Variants in BPGM observed in about 807,000 individuals in gnomAD.
BPGM encodes the protein bisphosphoglycerate mutase, also known as 2,3-bisphosphoglycerate mutase, erythrocyte.
In BPGM, 15 loss-of-function variants were observed where a neutral mutation model predicts 21.6. The observed-to-expected ratio is 0.70, with a 90% CI of 0.47 to 1.07. BPGM has a LOEUF of 1.07. Ranked by LOEUF, BPGM falls within the 50% of genes least tolerant of loss-of-function variation. BPGM has a pLI of 0.00. For synonymous variants in BPGM, 113 were observed against 116.2 expected, an observed-to-expected ratio of 0.97 and a Z score of 0.18; for missense variants, 273 against 319.0, an observed-to-expected ratio of 0.86 and a Z score of 1.10.
chr7:134,667,492 G>C (rs7800098), intron 2 of BPGM, among the ~76,000 whole-genome samples: 84,667 of 151,950 alleles, frequency 0.56, 24,511 homozygotes, highest in East Asian at 0.77. Flanking sequence ...AGGATTGCTT[G>C]TGCCTAGGCT....
chr7:134,657,996 A>G (rs146927359), intron 1 of BPGM, among the ~76,000 whole-genome samples: 1,827 of 152,314 alleles, frequency 0.012, 19 homozygotes, highest in Non-Finnish European at 0.015. Flanking sequence ...ATAAGCTAGC[A>G]GCCACGATCT....
chr7:134,664,894 C>A lies in BPGM; in HGVS notation c.601+2786C>A, dbSNP rs369814081. ...TATGAAATACCCAGAATAGGCAAAT[C>A]TTTAGAAACAGAAGGTAGAGTGGTT... On this transcript the variant is annotated intron_variant, in intron 2 of 2. Transcript: ENST00000344924. Among the ~76,000 whole-genome samples, 218 of 152,256 alleles carry A rather than the reference C, an allele frequency of 1.4e-3. 6 individuals are homozygous for A. In the South Asian group the frequency reaches 0.043, roughly 30 times the overall value.
rs200244541 is a variant in BPGM, at chr7:134,678,885, C to T, written c.634C>T (p.Leu212Phe). The stretch of plus-strand genomic sequence containing the variant: ...AGATGAAGACATCATCAACATTACT[C>T]TTCCTACTGGAGTCCCCATTCTTCT... ...ISDEDIINIT[L>F]PTGVPILLEL... Residue 212 changes from leucine to phenylalanine, a missense_variant, in exon 3 of 3, where the codon CTT (leucine) becomes TTT (phenylalanine). Coordinates refer to ENST00000344924, the MANE Select transcript of BPGM (RefSeq NM_001724.5). 3 of 1,613,998 alleles carry T rather than the reference C, an allele frequency of 1.9e-6. No individual in the cohort carries two copies. The highest frequency in any genetic ancestry group is 3.3e-5 in the Admixed American group (2 of 60,010).
chr7:134,669,109 C>T (rs903483254), intron 2 of BPGM, among the ~76,000 whole-genome samples: 8 of 152,126 alleles, frequency 5.3e-5, no homozygotes, highest in Admixed American at 5.2e-4. Context: ...TAATTGGGAC[C>T]TTACCTTTTG....
At position 134,679,208 on chromosome 7, in the gene BPGM, C is replaced by A; in HGVS notation, c.*177C>A. On this transcript the variant is annotated 3_prime_UTR_variant, in exon 3 of 3. Coordinates refer to ENST00000344924, the MANE Select transcript of BPGM (RefSeq NM_001724.5). ...GATAAGGCTTTAGGATGCCTCAGTG[C>A]TTATGTCATAGCCTTATGAGTTAGC... is the stretch of plus-strand genomic sequence containing the variant. 1 of 682,448 alleles carries A rather than the reference C, an allele frequency of 1.5e-6. No homozygotes were observed. The highest frequency in any genetic ancestry group is 2.4e-6 in the Non-Finnish European group (1 of 409,768). The allele number at this position is 682,448 out of a possible 1,614,324, so 42.3% of individuals were successfully genotyped here.
Position 134,678,960 on chromosome 7 carries a change from G to T in BPGM, c.709G>T (p.Asp237Tyr). 2 of 1,614,110 alleles carry T rather than the reference G, an allele frequency of 1.2e-6. No homozygotes were observed. Among genetic ancestry groups the T allele is most frequent in the Non-Finnish European group, 1.7e-6 (2 of 1,180,002 alleles). Reference protein sequence around the residue: ...RAVGPHQFLGDQEAIQAAIKK... With the variant: ...RAVGPHQFLGYQEAIQAAIKK... ...TGTTGGGCCTCATCAGTTCCTGGGT[G>T]ACCAAGAGGCGATCCAAGCAGCCAT... The change falls in exon 3 of 3, where the codon GAC becomes TAC. Residue 237 changes from aspartate to tyrosine, a missense_variant. Physicochemically the swap from Asp to Tyr is radical, Grantham distance 160. Coordinates refer to ENST00000344924, the MANE Select transcript of BPGM (RefSeq NM_001724.5).
Position 134,679,037 on chromosome 7 carries a change from C to G in BPGM, c.*6C>G. 6.2e-7 allele frequency: 1 copy of G among 1,613,894 alleles called. No homozygotes were observed. The highest frequency in any genetic ancestry group is 2.2e-5 in the East Asian group (1 of 44,882). ...TGAAACAAGCTAAAAAATAGTCTTTCTCAACTGTTGGCTAAGAAGAAATGC... is the reference window on the plus strand; with the variant it reads ...TGAAACAAGCTAAAAAATAGTCTTTGTCAACTGTTGGCTAAGAAGAAATGC... On this transcript the variant is annotated 3_prime_UTR_variant, in exon 3 of 3. Coordinates refer to ENST00000344924, the MANE Select transcript of BPGM (RefSeq NM_001724.5).
Position 134,661,467 on chromosome 7 carries a change from A to G in BPGM, c.-41A>G, listed in dbSNP as rs965742731. ...TCTAGATGTATTGCTGTCCTTGAAT[A>G]TTAGCCCATTTGAAAACGCCTGGGA... On this transcript the variant is annotated 5_prime_UTR_variant, in exon 2 of 3. The change creates a new upstream start codon in the 5' untranslated region. Transcript: ENST00000344924. This position sits in a 1 kb window ranked among gnomAD's most constrained non-coding sequence, Gnocchi z 4.6. 6.2e-7 allele frequency: 1 copy of G among 1,613,488 alleles called. No homozygotes were observed. The highest frequency in any genetic ancestry group is 1.3e-5 in the African/African-American group (1 of 74,902).
At chr7:134,666,897 C>T (rs1795829048) in intron 2 of BPGM, among the ~76,000 whole-genome samples, 1 of 152,190 alleles carries the variant, frequency 6.6e-6, no homozygotes, top group Admixed American at 6.5e-5. Context: ...GATCAGAAGA[C>T]ATAGTATGTC....
Position 134,659,407 on chromosome 7 carries a change from G to A in BPGM, c.-61-2040G>A, listed in dbSNP as rs953995620. Among the ~76,000 whole-genome samples, 8 of 139,790 alleles carry A rather than the reference G, an allele frequency of 5.7e-5. No individual in the cohort carries two copies. In the South Asian group the frequency reaches 1.1e-3, roughly 20 times the overall value. 91.7% of individuals were successfully genotyped at this position (139,790 alleles called of 152,430 possible). A position where few individuals can be genotyped will look rare whatever the true frequency, so the allele number is the denominator to read the frequency against. The stretch of plus-strand genomic sequence containing the variant: ...TGTGTGTGTGTGTGTGTGTGTGTGT[G>A]TGTGTTCATCACCTGGTTTCTCACA... On this transcript the variant is annotated intron_variant, in intron 1 of 2. Transcript: ENST00000344924.
At chr7:134,662,428 G>T (rs1415141627) in intron 2 of BPGM, among the ~76,000 whole-genome samples, 1 of 152,178 alleles carries the variant, frequency 6.6e-6, no homozygotes, top group African/African-American at 2.4e-5. Context: ...GCATTTCTTA[G>T]AAGTTTTAGG....
At chr7:134,662,510 T>C (rs1795752504) in intron 2 of BPGM, among the ~76,000 whole-genome samples, 1 of 152,230 alleles carries the variant, frequency 6.6e-6, no homozygotes, top group Non-Finnish European at 1.5e-5. Flanking sequence ...TGGCTTGTTG[T>C]AGTGAAATGA....
intron 2 of BPGM, among the ~76,000 whole-genome samples, chr7:134,673,931 G>C (rs1272032469): frequency 1.9e-5 from 2 of 105,824 alleles, no homozygotes; most frequent in Non-Finnish European, 3.7e-5. Context: ...TTTTTAAATT[G>C]AGACAGAGTC....
At chr7:134,648,222 G>A (rs1242704258) in intron 1 of BPGM, among the ~76,000 whole-genome samples, 3 of 148,012 alleles carry the variant, frequency 2.0e-5, no homozygotes, top group Non-Finnish European at 1.5e-5. Context: ...CGCAACCTCC[G>A]CCTCCTGGAT....
chr7:134,649,733 T>TA (rs1157136285), intron 1 of BPGM, among the ~76,000 whole-genome samples: 2 of 152,262 alleles, frequency 1.3e-5, no homozygotes, highest in African/African-American at 2.4e-5. Flanking sequence ...TAGTACTTGG[T>TA]AAGCTTCTGA....
chr7:134,671,256 T>C (rs1795899474), intron 2 of BPGM, among the ~76,000 whole-genome samples: 1 of 152,210 alleles, frequency 6.6e-6, no homozygotes, highest in African/African-American at 2.4e-5. Flanking sequence ...TTTGTGGAGC[T>C]TTTAACCTCT....
intron 2 of BPGM, among the ~76,000 whole-genome samples, chr7:134,670,317 C>T (rs1224608003): frequency 3.3e-5 from 5 of 152,086 alleles, no homozygotes; most frequent in South Asian, 2.1e-4. Flanking sequence ...GCTGTGGGGA[C>T]GGGGACTGAT....
At chr7:134,671,480 G>A (rs1244441176) in intron 2 of BPGM, among the ~76,000 whole-genome samples, 1 of 150,946 alleles carries the variant, frequency 6.6e-6, no homozygotes, top group Non-Finnish European at 1.5e-5. Flanking sequence ...TCCCACCTCA[G>A]CCTCCCAAGT....
chr7:134,667,021 C>T (rs1346014429), intron 2 of BPGM, among the ~76,000 whole-genome samples: 2 of 152,110 alleles, frequency 1.3e-5, no homozygotes, highest in Non-Finnish European at 2.9e-5. Context: ...TGTTAGTCCT[C>T]TTGTATTGCA....
Sources: allele counts gnomAD v4.1 joint callset (sites outside exome capture counted in the v4.1 genomes callset), GRCh38; gene constraint gnomAD v4.1.1; non-coding constraint Gnocchi (gnomAD v3.1); transcripts MANE v1.5; gene names NCBI Gene and HGNC (gene_info 2026-07-23, HGNC 2026-07-21).